PLSCR2: variants seen among roughly 807,000 people sequenced by gnomAD.
PLSCR2 encodes phospholipid scramblase 2.
Under a neutral mutation model 25.3 loss-of-function variants are expected in PLSCR2, and 18 were observed. The observed-to-expected ratio is 0.71, with a 90% confidence interval of 0.49 to 1.06. PLSCR2 has a LOEUF of 1.06. Among genes scored for constraint, PLSCR2 ranks in the 50% least tolerant of loss-of-function variants. PLSCR2 has a pLI of 0.00. For synonymous variants in PLSCR2, 88 were observed against 87.3 expected (o/e 1.01, Z -0.04); for missense variants, 243 against 269.5 (o/e 0.90, Z 0.69).
At chr3:146,488,023 A>G (rs942932535) in intron 1 of PLSCR2, among the ~76,000 whole-genome samples, 6 of 152,180 alleles carry the variant, frequency 3.9e-5, no homozygotes, top group Non-Finnish European at 8.8e-5. Context: ...AAGACCAGAC[A>G]TCTACAACCA....
At chr3:146,405,750 T>C (rs768769618) in intron 2 of PLSCR2, among the ~76,000 whole-genome samples, 2 of 152,190 alleles carry the variant, frequency 1.3e-5, no homozygotes, top group Non-Finnish European at 2.9e-5. Context: ...CTGGCCAACC[T>C]AGTGATTAGA....
At chr3:146,420,343 C>T (rs2039105630) in intron 2 of PLSCR2, among the ~76,000 whole-genome samples, 1 of 151,942 alleles carries the variant, frequency 6.6e-6, no homozygotes, top group South Asian at 2.1e-4. Context: ...ATATAAATGA[C>T]AAATACACTT....
chr3:146,396,296 G>A (rs1387150362), intron 2 of PLSCR2, among the ~76,000 whole-genome samples: 1 of 151,836 alleles, frequency 6.6e-6, no homozygotes, highest in Non-Finnish European at 1.5e-5. Context: ...TTATTTTCTG[G>A]TTCCCTTTAC....
At chr3:146,403,341 C>G (rs903489870) in intron 2 of PLSCR2, among the ~76,000 whole-genome samples, 9 of 152,126 alleles carry the variant, frequency 5.9e-5, no homozygotes, top group Non-Finnish European at 4.4e-5. Context: ...AAGCCTGCAT[C>G]GAGGTCACCT....
chr3:146,407,229 T>G (rs1346955633), intron 2 of PLSCR2, among the ~76,000 whole-genome samples: 1 of 152,212 alleles, frequency 6.6e-6, no homozygotes, highest in East Asian at 1.9e-4. Flanking sequence ...AACACCTTAC[T>G]GACTGACTGA....
At chr3:146,412,831 G>A (rs1036605005) in intron 2 of PLSCR2, among the ~76,000 whole-genome samples, 3 of 152,072 alleles carry the variant, frequency 2.0e-5, no homozygotes, top group African/African-American at 7.2e-5. Flanking sequence ...GCAAGGGTAC[G>A]AGCTGGAGTG....
intron 2 of PLSCR2, among the ~76,000 whole-genome samples, chr3:146,418,892 C>T (rs1249461689): frequency 1.3e-5 from 2 of 152,134 alleles, no homozygotes; most frequent in Non-Finnish European, 2.9e-5. Context: ...CTAAACTCTT[C>T]AAAGAGTCCT....
At chr3:146,488,647 T>A (rs2043433294) in intron 1 of PLSCR2, among the ~76,000 whole-genome samples, 1 of 151,918 alleles carries the variant, frequency 6.6e-6, no homozygotes, top group Admixed American at 6.6e-5. Flanking sequence ...CCAGTCAGAA[T>A]GATTACTGAA....
At chr3:146,402,472 T>C (rs149483050) in intron 2 of PLSCR2, among the ~76,000 whole-genome samples, 299 of 152,224 alleles carry the variant, frequency 2.0e-3, no homozygotes, top group African/African-American at 6.3e-3. Flanking sequence ...TTCTGGTGTT[T>C]TTTTTTTCTT....
At chr3:146,417,278 C>T (rs191101354) in intron 2 of PLSCR2, among the ~76,000 whole-genome samples, 1 of 152,226 alleles carries the variant, frequency 6.6e-6, no homozygotes, top group East Asian at 1.9e-4. Flanking sequence ...TATTGCAGAA[C>T]TTACATTATT....
chr3:146,396,056 A>T (rs2038262523), intron 2 of PLSCR2: 1 of 180,390 alleles, frequency 5.5e-6, no homozygotes, highest in Admixed American at 6.4e-5. Flanking sequence ...AAAATATGCA[A>T]CATGGACACA....
At chr3:146,416,415 G>A (rs887089401) in intron 2 of PLSCR2, 1 of 152,054 alleles carries the variant, frequency 6.6e-6, no homozygotes, top group African/African-American at 2.4e-5. Flanking sequence ...TTAATCCACA[G>A]TCAAAATTTT....
intron 1 of PLSCR2, among the ~76,000 whole-genome samples, chr3:146,493,783 GTTTTTTTT>G (rs34986699): frequency 1.8e-5 from 1 of 54,786 alleles, no homozygotes; most frequent in Non-Finnish European, 3.2e-5. Context: ...CCAAGGTGGC[GTTTTTTTT>G]TTTTTTTTTT....
At chr3:146,441,560 A>T (rs1428021141), downstream of PLSCR2, among the ~76,000 whole-genome samples, 1 of 152,004 alleles carries the variant, frequency 6.6e-6, no homozygotes, top group Non-Finnish European at 1.5e-5. Flanking sequence ...AATAAAGTAT[A>T]TAAAACATTT....
intron 2 of PLSCR2, among the ~76,000 whole-genome samples, chr3:146,420,731 T>C (rs1431272455): frequency 6.6e-6 from 1 of 152,094 alleles, no homozygotes; most frequent in Non-Finnish European, 1.5e-5. Context: ...CAAACAACAG[T>C]GATGACCACA....
chr3:146,437,367 G>T (rs916153177), downstream of PLSCR2, among the ~76,000 whole-genome samples: 2 of 152,162 alleles, frequency 1.3e-5, no homozygotes, highest in African/African-American at 4.8e-5. Context: ...GCTCCTCTTT[G>T]TACGTCTGGT....
intron 2 of PLSCR2, among the ~76,000 whole-genome samples, chr3:146,403,679 C>G (rs1320460081): frequency 6.6e-6 from 1 of 151,892 alleles, no homozygotes; most frequent in Non-Finnish European, 1.5e-5. Context: ...TAAGTATTGT[C>G]TTAGTTTTTT....
chr3:146,415,396 A>C (rs1218241133), intron 2 of PLSCR2, among the ~76,000 whole-genome samples: 6 of 152,190 alleles, frequency 3.9e-5, no homozygotes, highest in Admixed American at 3.3e-4. Flanking sequence ...TACAGTCTAT[A>C]AGGTGTTTTG....
intron 2 of PLSCR2, among the ~76,000 whole-genome samples, chr3:146,408,584 C>T (rs1449162143): frequency 6.6e-6 from 1 of 152,092 alleles, no homozygotes; most frequent in Non-Finnish European, 1.5e-5. Flanking sequence ...GACTGATATT[C>T]ATTCCAGCAA....
Sources: allele counts gnomAD v4.1 joint callset (sites outside exome capture counted in the v4.1 genomes callset), GRCh38; gene constraint gnomAD v4.1.1; transcripts MANE v1.5; gene names NCBI Gene and HGNC (gene_info 2026-07-23, HGNC 2026-07-21).